Variants in AAAS observed in about 807,000 individuals in gnomAD.
AAAS encodes the protein aladin.
AAAS carries 60 observed loss-of-function variants against 75.6 expected under a neutral mutation model. The ratio of observed to expected loss-of-function variants is 0.79; its 90% confidence interval spans 0.64 to 0.98. The LOEUF (loss-of-function observed/expected upper bound fraction) is 0.98, where lower values mean the gene tolerates loss of function less well. Ranked by LOEUF, AAAS falls within the 50% of genes least tolerant of loss-of-function variation. AAAS has a pLI of 0.00. For missense variants in AAAS, 658 were observed against 686.9 expected (o/e 0.96, Z 0.47); for synonymous variants, 271 against 265.0 (o/e 1.02, Z -0.22).
At chr12:53,311,829 G>A (rs1486612492) in intron 7 of AAAS, among the ~76,000 whole-genome samples, 3 of 151,918 alleles carry the variant, frequency 2.0e-5, no homozygotes, top group African/African-American at 2.4e-5. Flanking sequence ...CAGGAGAATC[G>A]CTTGAACCCA....
chr12:53,309,074 G>A, intron 9 of AAAS, 54 bp from the exon 10 acceptor site: 4 of 1,614,132 alleles, frequency 2.5e-6, no homozygotes, highest in Non-Finnish European at 3.4e-6. Flanking sequence ...CTAAAAGTTG[G>A]ACCTACCTCC....
chr12:53,308,014 G>A (rs1463707300), intron 14 of AAAS, 38 bp downstream of exon 14: 3 of 1,613,456 alleles, frequency 1.9e-6, no homozygotes, highest in African/African-American at 1.3e-5. Context: ...AGGAAGGCTG[G>A]TGAGAAGTCC....
chr12:53,312,827 A>T (rs7398212), intron 7 of AAAS, among the ~76,000 whole-genome samples: 1 of 144,628 alleles, frequency 6.9e-6, no homozygotes, highest in East Asian at 2.0e-4. Flanking sequence ...ATATATATAA[A>T]ACATATATGT....
Position 53,308,748 on chromosome 12 carries a change from G to A in AAAS, c.1064C>T (p.Ser355Phe), listed in dbSNP as rs1334746049. Reference sequence around the variant, plus strand: ...ACCACAACGTTCTGGAAAAGACAGGGAGTAAATCAGTGGCTCTCCCAATAC... The same window carrying A: ...ACCACAACGTTCTGGAAAAGACAGGAAGTAAATCAGTGGCTCTCCCAATAC... ...FTVLGEPLIY[S>F]LSFPERCGEG... The change falls in exon 11 of 16, where the codon TCC (serine) becomes TTC (phenylalanine). Residue 355 changes from serine (S) to phenylalanine (F), a missense_variant. Transcript: ENST00000209873. The A allele has an allele frequency of 1.9e-6, 3 of 1,614,120 alleles. No individual in the cohort carries two copies. The highest frequency in any genetic ancestry group is 2.2e-5 in the South Asian group (2 of 91,072).
At position 53,315,321 on chromosome 12, in the gene AAAS, G is replaced by A. The variant is rs778850526; in HGVS notation, c.399+14C>T. 3.7e-6 allele frequency: 6 copies of A among 1,613,894 alleles called. No individual in the cohort carries two copies. The South Asian group carries it at 6.6e-5, about 18-fold the overall frequency. ...ACAGCAAATGCAGAGGGCTGGGGAGGAAGCCAAACTTACAGACAGATGGGG... is the reference window on the plus strand; with the variant it reads ...ACAGCAAATGCAGAGGGCTGGGGAGAAAGCCAAACTTACAGACAGATGGGG... On this transcript the variant is annotated intron_variant, in intron 4 of 15. Transcript: ENST00000209873.
intron 7 of AAAS, among the ~76,000 whole-genome samples, chr12:53,312,259 G>A (rs531290301): frequency 4.0e-5 from 6 of 150,458 alleles, no homozygotes; most frequent in Non-Finnish European, 8.9e-5. Context: ...AATCCACTTT[G>A]GTAACTTATA....
Position 53,321,336 on chromosome 12 carries a change from T to C in AAAS, c.123+7A>G, listed in dbSNP as rs530198059. 1.2e-6 allele frequency: 2 copies of C among 1,613,282 alleles called. No individual in the cohort carries two copies. The highest frequency in any genetic ancestry group is 1.7e-5 in the Admixed American group (1 of 60,004). The stretch of plus-strand genomic sequence containing the variant: ...CTGTAGGTCCCCTCCCTCCTCGCCC[T>C]GGCCACCTGGCCCCGGAAGTCGGGG... On this transcript the variant is annotated splice_region_variant and intron_variant, in intron 1 of 15. Transcript: ENST00000209873.
intron 7 of AAAS, among the ~76,000 whole-genome samples, chr12:53,312,120 G>A (rs1285456205): frequency 6.6e-6 from 1 of 151,774 alleles, no homozygotes; most frequent in Non-Finnish European, 1.5e-5. Flanking sequence ...GAAGTCAAGA[G>A]GAGAATCACT....
rs1256893402 is a variant in AAAS, at chr12:53,321,601, C to T, written c.-136G>A. On this transcript the variant is annotated 5_prime_UTR_variant, in exon 1 of 16. Coordinates refer to ENST00000209873, the MANE Select transcript of AAAS (RefSeq NM_015665.6). ...AAGGGACAAACGGCGAGGCGGAACTCAACGGAAGTGAAGAAAAGACTAACG... is the reference window on the plus strand; with the variant it reads ...AAGGGACAAACGGCGAGGCGGAACTTAACGGAAGTGAAGAAAAGACTAACG... 1.9e-5 allele frequency: 28 copies of T among 1,471,260 alleles called. No homozygotes were observed. The highest frequency in any genetic ancestry group is 6.6e-6 in the Non-Finnish European group (7 of 1,066,470). The allele number at this position is 1,471,260 out of a possible 1,614,324, so 91.1% of individuals were successfully genotyped here.
At chr12:53,311,943 GT>G (rs1315516928) in intron 7 of AAAS, among the ~76,000 whole-genome samples, 1 of 151,878 alleles carries the variant, frequency 6.6e-6, no homozygotes, top group Non-Finnish European at 1.5e-5. Flanking sequence ...GTGATCACGT[GT>G]TTTTTTCTTA....
rs187026322 is a variant in AAAS at position 53,314,042 on chromosome 12, T to C, written c.689+256A>G. ...ACACTTCCTTTAAGTGTAAAGGAAG[T>C]GTATAGTCCTCTGAAAGAGTCTTTC... On this transcript the variant is annotated intron_variant, in intron 7 of 15. Transcript: ENST00000209873. Among the ~76,000 whole-genome samples, 761 of 152,238 alleles carry C rather than the reference T, an allele frequency of 5.0e-3. 7 individuals are homozygous for C. Among genetic ancestry groups the C allele is most frequent in the African/African-American group, 0.018 (745 of 41,538 alleles).
At chr12:53,315,873 A>G in intron 2 of AAAS, 91 bp from the exon 3 acceptor site, 1 of 1,420,908 alleles carries the variant, frequency 7.0e-7, no homozygotes, top group African/African-American at 1.4e-5. Flanking sequence ...TGTATTAAAA[A>G]TATGGGCACT....
In AAAS at chr12:53,315,108, G is replaced by A; in HGVS notation, c.432C>T (p.Ala144=). 6 of 1,614,092 alleles carry A rather than the reference G, an allele frequency of 3.7e-6. No homozygotes were observed. Among genetic ancestry groups the A allele is most frequent in the Non-Finnish European group, 4.2e-6 (5 of 1,180,012 alleles). Residue 144 remains alanine, a synonymous_variant, in exon 5 of 16, where the codon GCC becomes GCT. Transcript: ENST00000209873. ...TGTGCACTCACCAATTTGTGACTTGGGCAAATTCAGCGATCAGATCTTCGC... is the reference window on the plus strand; with the variant it reads ...TGTGCACTCACCAATTTGTGACTTGAGCAAATTCAGCGATCAGATCTTCGC... The part of the protein sequence containing the change: ...LRSEDLIAEF[A]QVTNWSSCCL...
chr12:53,319,802 CAAAAAAAAAAAAA>C (rs11339214), intron 2 of AAAS, among the ~76,000 whole-genome samples: 1 of 19,614 alleles, frequency 5.1e-5, no homozygotes, highest in African/African-American at 1.7e-4. Flanking sequence ...GACTCCGTCT[CAAAAAAAAAAAAA>C]AAAAAAAAAA....
intron 7 of AAAS, among the ~76,000 whole-genome samples, chr12:53,310,437 G>C (rs1475232584): frequency 2.0e-5 from 3 of 152,128 alleles, no homozygotes; most frequent in African/African-American, 7.2e-5. Flanking sequence ...GTGTTCGCCT[G>C]TAGTCCCAGC....
In AAAS at chr12:53,307,545, C is replaced by A; in HGVS notation, c.1585G>T (p.Asp529Tyr). 6.2e-7 allele frequency: 1 copy of A among 1,614,072 alleles called. No homozygotes were observed. The highest frequency in any genetic ancestry group is 8.5e-7 in the Non-Finnish European group (1 of 1,179,996). Residue 529 changes from aspartate to tyrosine, a missense_variant, in exon 16 of 16, where the codon GAC (aspartate) becomes TAC (tyrosine). Transcript: ENST00000209873. ...TETSPTSAPW[D>Y]PLPGPPPVLP... is the part of the protein sequence containing the mutation. ...ACAGGTGGTGGCCCTGGGAGAGGGT[C>A]CCAAGGGGCAGAGGTTGGGGATGTC...
In AAAS at chr12:53,314,599, A is replaced by C. The variant is rs1944436515; in HGVS notation, c.545+152T>G. 4.9e-5 allele frequency: 65 copies of C among 1,319,758 alleles called. No individual in the cohort carries two copies. In the South Asian group the frequency reaches 7.4e-4, roughly 15 times the overall value. 81.8% of individuals were successfully genotyped at this position (1,319,758 alleles called of 1,614,324 possible). A position where few individuals can be genotyped will look rare whatever the true frequency, so the allele number is the denominator to read the frequency against. On this transcript the variant is annotated intron_variant, in intron 6 of 15. Transcript: ENST00000209873. ...AGGGGATAAAGGTTAGGTCTAGAAG[A>C]AGCACGCATCCAGTTATGGAGCTTC... is the stretch of plus-strand genomic sequence containing the variant.
chr12:53,317,511 C>G (rs1307652014), intron 2 of AAAS, among the ~76,000 whole-genome samples: 1 of 151,174 alleles, frequency 6.6e-6, no homozygotes, highest in Non-Finnish European at 1.5e-5. Context: ...GAGCCGAGAT[C>G]GTGCCACTGC....
intron 1 of AAAS, 61 bp from the exon 2 acceptor site, chr12:53,320,753 G>T: frequency 1.3e-6 from 2 of 1,595,320 alleles, no homozygotes; most frequent in Non-Finnish European, 1.7e-6. Context: ...CTTTAATTCC[G>T]TGCCATCTCC....
Sources: gnomAD v4.1 joint callset for allele counts (sites outside exome capture counted in the v4.1 genomes callset) on GRCh38, gnomAD v4.1.1 for gene constraint, MANE v1.5 for transcripts, NCBI Gene and HGNC (gene_info 2026-07-23, HGNC 2026-07-21) for gene names.